DHX35: variants seen among roughly 807,000 people sequenced by gnomAD.
The protein encoded by DHX35 is DEAH-box helicase 35, also known as probable ATP-dependent RNA helicase DHX35.
In DHX35, 84 loss-of-function variants were observed where a neutral mutation model predicts 99.6. The ratio of observed to expected loss-of-function variants is 0.84; its 90% CI spans 0.71 to 1.01. DHX35 has a LOEUF of 1.01. DHX35 is among the 50% of genes least tolerant of loss of function. The pLI is 0.00. For synonymous variants in DHX35, 331 were observed against 316.2 expected (o/e 1.05, Z -0.50); for missense variants, 852 against 888.5 (o/e 0.96, Z 0.52).
At chr20:38,991,576 A>G (rs2086338544) in intron 6 of DHX35, 61 bp downstream of exon 6, 6 of 1,487,898 alleles carry the variant, frequency 4.0e-6, no homozygotes, top group Middle Eastern at 3.4e-4. Flanking sequence ...TAGACGGAGA[A>G]GCAGGTGTGT....
At chr20:39,022,320 G>A (rs561903858) in intron 16 of DHX35, among the ~76,000 whole-genome samples, 10 of 152,024 alleles carry the variant, frequency 6.6e-5, no homozygotes, top group Non-Finnish European at 7.4e-5. Context: ...CACCACGCCC[G>A]GCTAATTTTT....
At chr20:38,987,191 G>T (rs2086263195) in intron 4 of DHX35, among the ~76,000 whole-genome samples, 1 of 152,092 alleles carries the variant, frequency 6.6e-6, no homozygotes, top group South Asian at 2.1e-4. Context: ...GCTTCCCTTT[G>T]GTTCTTTTCA....
intron 12 of DHX35, among the ~76,000 whole-genome samples, chr20:39,010,025 C>CA (rs779400193): frequency 5.3e-5 from 8 of 151,756 alleles, no homozygotes; most frequent in Non-Finnish European, 8.8e-5. Context: ...GTTTTGCTGA[C>CA]AAAAAACATT....
Position 38,988,850 on chromosome 20 carries a change from T to A in DHX35, c.383T>A (p.Leu128Gln), listed in dbSNP as rs748014416. The A allele has an allele frequency of 1.1e-5, 18 of 1,613,888 alleles. No homozygotes were observed. The South Asian group carries it at 1.9e-4, about 17-fold the overall frequency. Reference sequence around the variant, plus strand: ...GTAGCTGAAGAAAGGGGTGCAGTGCTGGGCCACGAGGTGGGCTACTGCATC... The same window carrying A: ...GTAGCTGAAGAAAGGGGTGCAGTGCAGGGCCACGAGGTGGGCTACTGCATC... ...GRVAEERGAVLGHEVGYCIRF... is the reference protein window; with the variant it reads ...GRVAEERGAVQGHEVGYCIRF... Residue 128 changes from leucine (L) to glutamine (Q), a missense_variant, in exon 5 of 22, where the codon CTG (leucine) becomes CAG (glutamine). Transcript: ENST00000252011.
intron 3 of DHX35, among the ~76,000 whole-genome samples, chr20:38,979,631 T>C (rs974398042): frequency 1.3e-5 from 2 of 152,176 alleles, no homozygotes; most frequent in Non-Finnish European, 2.9e-5. Flanking sequence ...TTCCAACTTA[T>C]TGTGAAGCTA....
At chr20:39,006,017 C>G (rs2086609691) in intron 11 of DHX35, 129 bp from the exon 12 acceptor site, 2 of 1,057,978 alleles carry the variant, frequency 1.9e-6, no homozygotes, top group Admixed American at 2.1e-5. Context: ...CACAGTCTTT[C>G]TAGTATATTA....
chr20:39,003,266 T>C (rs966434968), intron 10 of DHX35, among the ~76,000 whole-genome samples: 1 of 152,150 alleles, frequency 6.6e-6, no homozygotes, highest in African/African-American at 2.4e-5. Flanking sequence ...ATATTACTGG[T>C]AAAACAACTG....
chr20:39,007,750 A>T (rs1450273175), intron 12 of DHX35, among the ~76,000 whole-genome samples: 1 of 152,206 alleles, frequency 6.6e-6, no homozygotes, highest in Non-Finnish European at 1.5e-5. Context: ...GGGAGGGAAT[A>T]GGCAGAACCC....
intron 3 of DHX35, among the ~76,000 whole-genome samples, chr20:38,976,350 G>GTGTGTT (rs888622267): frequency 1.3e-5 from 2 of 150,440 alleles, no homozygotes; most frequent in African/African-American, 4.9e-5. Flanking sequence ...GTGTGTGTGT[G>GTGTGTT]TGTGTGTATG....
chr20:39,022,242 C>A (rs1175740081), intron 16 of DHX35, among the ~76,000 whole-genome samples: 1 of 152,162 alleles, frequency 6.6e-6, no homozygotes, highest in Non-Finnish European at 1.5e-5. Context: ...CCCACTGCAA[C>A]TGCACTCTGC....
At chr20:38,989,460 G>T (rs1191653993) in intron 5 of DHX35, among the ~76,000 whole-genome samples, 1 of 151,940 alleles carries the variant, frequency 6.6e-6, no homozygotes, top group Non-Finnish European at 1.5e-5. Context: ...CCAGAAAGGA[G>T]CTTGGAAGTC....
At chr20:39,023,495 T>C (rs1359748805) in intron 16 of DHX35, among the ~76,000 whole-genome samples, 195 bp from the exon 17 acceptor site, 1 of 151,850 alleles carries the variant, frequency 6.6e-6, no homozygotes, top group Non-Finnish European at 1.5e-5. Context: ...CTTAGAGGCA[T>C]ACACCACCAT....
chr20:38,972,663 T>C lies in DHX35; in HGVS notation c.267+12T>C. ...CACAGATTCCTCAGGTGAGTACATA[T>C]TTAATAAGTGTCTTTACACTTCGAT... On this transcript the variant is annotated intron_variant, in intron 3 of 21. Coordinates refer to ENST00000252011, the MANE Select transcript of DHX35 (RefSeq NM_021931.4). 6.3e-7 allele frequency: 1 copy of C among 1,582,228 alleles called. No individual in the cohort carries two copies. Among genetic ancestry groups the C allele is most frequent in the Non-Finnish European group, 8.7e-7 (1 of 1,152,368 alleles).
At chr20:38,994,916 C>T (rs747659995) in intron 8 of DHX35, 36 bp downstream of exon 8, 4 of 1,597,138 alleles carry the variant, frequency 2.5e-6, no homozygotes, top group Non-Finnish European at 3.4e-6. Context: ...CCTCTCCTCA[C>T]AAACACTTTT....
chr20:39,010,913 G>A (rs1400686492), intron 13 of DHX35, among the ~76,000 whole-genome samples: 1 of 152,180 alleles, frequency 6.6e-6, no homozygotes, highest in African/African-American at 2.4e-5. Context: ...CCGTTGTCCT[G>A]TTTAGGGTCC....
intron 13 of DHX35, among the ~76,000 whole-genome samples, chr20:39,014,217 T>C (rs2086746431): frequency 6.6e-6 from 1 of 152,168 alleles, no homozygotes; most frequent in Non-Finnish European, 1.5e-5. Flanking sequence ...ACCACATAAT[T>C]TAGAGAGAAA....
At chr20:39,014,534 A>C (rs1220832325) in intron 13 of DHX35, among the ~76,000 whole-genome samples, 1 of 152,182 alleles carries the variant, frequency 6.6e-6, no homozygotes, top group Non-Finnish European at 1.5e-5. Flanking sequence ...GGTGTGGTAG[A>C]AGGTTGAGTC....
chr20:38,969,420 C>A (rs556514597), intron 2 of DHX35, among the ~76,000 whole-genome samples: 2 of 152,134 alleles, frequency 1.3e-5, no homozygotes, highest in Non-Finnish European at 2.9e-5. Flanking sequence ...TCAGTTGCAT[C>A]GTACATACTG....
intron 19 of DHX35, 176 bp from the exon 20 acceptor site, chr20:39,030,528 T>C (rs1028315191): frequency 1.7e-6 from 1 of 595,520 alleles, no homozygotes; most frequent in Admixed American, 3.2e-5. Flanking sequence ...TCTTGACTTC[T>C]GGGGTGGCAG....
Sources: gnomAD v4.1 joint callset for allele counts (sites outside exome capture counted in the v4.1 genomes callset) on GRCh38, gnomAD v4.1.1 for gene constraint, MANE v1.5 for transcripts, NCBI Gene and HGNC (gene_info 2026-07-23, HGNC 2026-07-21) for gene names.